CNTNAP2: variants seen among roughly 807,000 people sequenced by gnomAD.
The protein encoded by CNTNAP2 is contactin-associated protein-like 2.
A neutral mutation model predicts 155.2 loss-of-function variants in CNTNAP2; 98 were observed. That is an observed-to-expected ratio of 0.63 (90% confidence interval 0.54 to 0.75). CNTNAP2 has a LOEUF of 0.75. CNTNAP2 is among the 30% of genes least tolerant of loss of function. The pLI is 0.00. For missense variants in CNTNAP2, 1,727 were observed against 1,688.1 expected (o/e 1.02, Z -0.40); for synonymous variants, 651 against 631.2 (o/e 1.03, Z -0.47).
intron 13 of CNTNAP2, among the ~76,000 whole-genome samples, chr7:147,689,087 T>A (rs1162396610): frequency 6.6e-6 from 1 of 152,036 alleles, no homozygotes; most frequent in Non-Finnish European, 1.5e-5. Context: ...AAATATAACA[T>A]TATTCCTGAA....
rs925031109 is a variant in CNTNAP2, at chr7:147,638,999, C to A, written c.1898-107C>A. 6.7e-5 allele frequency: 75 copies of A among 1,121,016 alleles called. 1 individual carries two copies. The South Asian group carries it at 8.2e-4, about 12-fold the overall frequency. 69.4% of individuals were successfully genotyped at this position (1,121,016 alleles called of 1,614,324 possible). On this transcript the variant is annotated intron_variant, in intron 12 of 23. Transcript: ENST00000361727. ...TTGCTCTCCTTAACACTGTTCTACA[C>A]CAGCTCAGTAAAAAGACCATTTAAG...
At chr7:147,937,115 T>G (rs570674058) in intron 14 of CNTNAP2, among the ~76,000 whole-genome samples, 1 of 152,188 alleles carries the variant, frequency 6.6e-6, no homozygotes, top group East Asian at 1.9e-4. Flanking sequence ...TTTTGGATCC[T>G]TCACTGCTTG....
intron 3 of CNTNAP2, among the ~76,000 whole-genome samples, chr7:146,875,474 C>G (rs1795399299): frequency 6.6e-6 from 1 of 152,064 alleles, no homozygotes; most frequent in Non-Finnish European, 1.5e-5. Context: ...AGATGTAAAT[C>G]TTTTTTGAAA....
chr7:146,290,280 C>T (rs1358965120), intron 1 of CNTNAP2, among the ~76,000 whole-genome samples: 2 of 152,140 alleles, frequency 1.3e-5, no homozygotes, highest in Non-Finnish European at 2.9e-5. Flanking sequence ...CCTTAGATGT[C>T]ATCCAGTTGA....
chr7:146,790,941 T>A (rs1802662574), intron 2 of CNTNAP2, among the ~76,000 whole-genome samples: 1 of 151,804 alleles, frequency 6.6e-6, no homozygotes, highest in South Asian at 2.1e-4. Flanking sequence ...TTTTTTTAAC[T>A]TTAAGTTCTG....
At chr7:146,177,223 TC>T (rs1798482429) in intron 1 of CNTNAP2, among the ~76,000 whole-genome samples, 1 of 152,208 alleles carries the variant, frequency 6.6e-6, no homozygotes, top group Admixed American at 6.5e-5. Flanking sequence ...CAGCGGGGCC[TC>T]CCAAAGAGCC....
intron 3 of CNTNAP2, among the ~76,000 whole-genome samples, chr7:147,017,837 A>C (rs76100581): frequency 0.059 from 9,015 of 152,152 alleles, 333 homozygotes; most frequent in Middle Eastern, 0.13. Flanking sequence ...GATATGAGAG[A>C]ATATGATCAA....
chr7:146,812,649 C>T (rs997625937), intron 2 of CNTNAP2, among the ~76,000 whole-genome samples: 1 of 151,946 alleles, frequency 6.6e-6, no homozygotes, highest in Non-Finnish European at 1.5e-5. Context: ...AAAAGAAAAA[C>T]CCGTTTTCCA....
intron 13 of CNTNAP2, among the ~76,000 whole-genome samples, chr7:147,821,712 A>G (rs1253209151): frequency 6.6e-6 from 1 of 152,092 alleles, no homozygotes; most frequent in Non-Finnish European, 1.5e-5. Flanking sequence ...GCTGAAGAGA[A>G]ACAGGAAAGA....
intron 13 of CNTNAP2, among the ~76,000 whole-genome samples, chr7:147,642,011 C>CGTGTGTGTGTGT (rs3053478): frequency 7.3e-4 from 109 of 149,710 alleles, no homozygotes; most frequent in African/African-American, 1.9e-3. Context: ...TGTGTGTGTG[C>CGTGTGTGTGTGT]GTGTGTGTGT....
At chr7:146,905,020 T>C (rs1169192752) in intron 3 of CNTNAP2, among the ~76,000 whole-genome samples, 3 of 152,154 alleles carry the variant, frequency 2.0e-5, no homozygotes, top group Admixed American at 2.0e-4. Context: ...CTCAGCACTA[T>C]GACATTTGGG....
At chr7:147,938,627 G>A (rs1286025192) in intron 14 of CNTNAP2, among the ~76,000 whole-genome samples, 1 of 152,032 alleles carries the variant, frequency 6.6e-6, no homozygotes, top group East Asian at 1.9e-4. Flanking sequence ...TGATATCTGG[G>A]TAACAAAAGG....
chr7:147,208,325 A>G (rs1189797234), intron 8 of CNTNAP2, among the ~76,000 whole-genome samples: 3 of 152,054 alleles, frequency 2.0e-5, no homozygotes, highest in Non-Finnish European at 4.4e-5. Context: ...TTTAATGTCT[A>G]GAAAGAATTC....
At chr7:148,342,725 G>C (rs1362005056) in intron 21 of CNTNAP2, among the ~76,000 whole-genome samples, 1 of 152,206 alleles carries the variant, frequency 6.6e-6, no homozygotes, top group Non-Finnish European at 1.5e-5. Context: ...GAAAAGATCT[G>C]CTAAATGAAC....
intron 1 of CNTNAP2, among the ~76,000 whole-genome samples, chr7:146,385,528 T>C (rs372647257): frequency 1.1e-4 from 16 of 152,322 alleles, no homozygotes; most frequent in Admixed American, 7.8e-4. Flanking sequence ...CATTTCAAAA[T>C]ATGAAACAAA....
At chr7:147,866,985 C>T (rs993318325) in intron 13 of CNTNAP2, among the ~76,000 whole-genome samples, 8 of 152,104 alleles carry the variant, frequency 5.3e-5, no homozygotes, top group African/African-American at 9.7e-5. Flanking sequence ...ATTTGACCCT[C>T]TCATTATTAT....
intron 13 of CNTNAP2, among the ~76,000 whole-genome samples, chr7:147,795,916 C>T (rs1797885935): frequency 6.6e-6 from 1 of 152,076 alleles, no homozygotes; most frequent in Non-Finnish European, 1.5e-5. Context: ...AGCACATAAG[C>T]CAGGCAGAGT....
chr7:147,249,955 A>C (rs937527751), intron 8 of CNTNAP2, among the ~76,000 whole-genome samples: 1 of 152,174 alleles, frequency 6.6e-6, no homozygotes, highest in African/African-American at 2.4e-5. Flanking sequence ...TATCCAGATT[A>C]AAAGACAGCT....
rs144115803 is a variant in CNTNAP2, at chr7:147,196,166, C to T, written c.1348+63657C>T. ...ACCCTGCTCACACCTTGGTCGCAGACTTCTAGCCTCAAAAATCATAAGAAA... is the reference window on the plus strand; with the variant it reads ...ACCCTGCTCACACCTTGGTCGCAGATTTCTAGCCTCAAAAATCATAAGAAA... On this transcript the variant is annotated intron_variant, in intron 8 of 23. Coordinates refer to ENST00000361727, the MANE Select transcript of CNTNAP2 (RefSeq NM_014141.6). Among the ~76,000 whole-genome samples the T allele has an allele frequency of 3.4e-3, 513 of 152,288 alleles. 3 individuals are homozygous for T. Among genetic ancestry groups the T allele is most frequent in the African/African-American group, 0.011 (462 of 41,568 alleles).
Sources: allele counts gnomAD v4.1 joint callset (sites outside exome capture counted in the v4.1 genomes callset), GRCh38; gene constraint gnomAD v4.1.1; transcripts MANE v1.5; gene names NCBI Gene and HGNC (gene_info 2026-07-23, HGNC 2026-07-21).